Variants in PIK3CB observed in about 807,000 individuals in gnomAD.
The protein encoded by PIK3CB is phosphatidylinositol 4,5-bisphosphate 3-kinase catalytic subunit beta isoform.
In PIK3CB, 39 loss-of-function variants were observed where a neutral mutation model predicts 136.8. The observed-to-expected ratio is 0.29, with a 90% CI of 0.22 to 0.37. The LOEUF is 0.37. Ranked by LOEUF, PIK3CB falls within the 10% of genes least tolerant of loss-of-function variation. PIK3CB has a pLI of 1.00. For synonymous variants in PIK3CB, 428 were observed against 436.6 expected (o/e 0.98, Z 0.25); for missense variants, 868 against 1,275.4 (o/e 0.68, Z 4.87).
In PIK3CB at chr3:138,691,234, A is replaced by T. The variant is rs974754993; in HGVS notation, c.1893-91T>A. ...CAAACTATCAAATGTGAACTTGTTG[A>T]AACACAATGGTTCTTTTGGGCCAGG... On this transcript the variant is annotated intron_variant, in intron 14 of 23. Coordinates refer to ENST00000674063, the MANE Select transcript of PIK3CB (RefSeq NM_006219.3). The T allele has an allele frequency of 4.7e-5, 56 of 1,182,394 alleles. No homozygotes were observed. The Admixed American group carries it at 1.1e-3, about 23-fold the overall frequency. The allele number at this position is 1,182,394 out of a possible 1,614,324, so 73.2% of individuals were successfully genotyped here. A position where few individuals can be genotyped will look rare whatever the true frequency, so the allele number is the denominator to read the frequency against.
In PIK3CB at chr3:138,694,927, G is replaced by A. The variant is rs770243774; in HGVS notation, c.1771-20C>T. 1 of 1,587,112 alleles carries A rather than the reference G, an allele frequency of 6.3e-7. No homozygotes were observed. Among genetic ancestry groups the A allele is most frequent in the South Asian group, 1.2e-5 (1 of 86,166 alleles). ...CTGAAGCTGTTTAAAAAATGAAACT[G>A]GTTCAGAAATAATGGGGGACAAAAG... is the stretch of plus-strand genomic sequence containing the variant. On this transcript the variant is annotated intron_variant, in intron 13 of 23. Coordinates refer to ENST00000674063, the MANE Select transcript of PIK3CB (RefSeq NM_006219.3).
At chr3:138,734,840 A>C (rs1368137341) in intron 6 of PIK3CB, 36 bp from the exon 7 acceptor site, 1 of 1,435,572 alleles carries the variant, frequency 7.0e-7, no homozygotes, top group East Asian at 2.3e-5. Flanking sequence ...ATTGATTTTC[A>C]TGCCAACACC....
At chr3:138,803,953 CAATT>C (rs567153138) in intron 1 of PIK3CB, among the ~76,000 whole-genome samples, 2 of 152,118 alleles carry the variant, frequency 1.3e-5, no homozygotes, top group Admixed American at 6.6e-5. Context: ...ATAAAGCATT[CAATT>C]ATTGTTAGAT....
At chr3:138,716,315 C>G (rs1325907292) in intron 8 of PIK3CB, among the ~76,000 whole-genome samples, 1 of 152,174 alleles carries the variant, frequency 6.6e-6, no homozygotes, top group Non-Finnish European at 1.5e-5. Flanking sequence ...CTTTGCTCCT[C>G]TGCATTGGAA....
chr3:138,757,007 A>C (rs2045580366), intron 3 of PIK3CB, among the ~76,000 whole-genome samples: 1 of 152,194 alleles, frequency 6.6e-6, no homozygotes, highest in Non-Finnish European at 1.5e-5. Context: ...AAGTTTAAAA[A>C]TCAGTACAGG....
At chr3:138,700,692 A>AAGAT (rs56054471) in intron 12 of PIK3CB, among the ~76,000 whole-genome samples, 7,135 of 143,890 alleles carry the variant, frequency 0.05, 222 homozygotes, top group Non-Finnish European at 0.057. Flanking sequence ...TGACTCTAAA[A>AAGAT]AGATAGATAG....
chr3:138,659,979 C>T (rs2043264301), intron 21 of PIK3CB, among the ~76,000 whole-genome samples: 1 of 145,636 alleles, frequency 6.9e-6, no homozygotes, highest in South Asian at 2.2e-4. Context: ...AGGTTCACGC[C>T]ATTCTCCTTC....
At chr3:138,716,635 C>T (rs1171589236) in intron 8 of PIK3CB, among the ~76,000 whole-genome samples, 1 of 152,092 alleles carries the variant, frequency 6.6e-6, no homozygotes, top group Non-Finnish European at 1.5e-5. Flanking sequence ...GTGTCTCACG[C>T]CTGTAATCCC....
rs1371556150 is a variant in PIK3CB at position 138,653,903 on chromosome 3, C to A, written c.*1486G>T. On this transcript the variant is annotated 3_prime_UTR_variant, in exon 24 of 24. Transcript: ENST00000674063. ...ACAAGGGGAGAAGTCAGGGAAGAGG[C>A]CATAATAAGCCTTAGCCTATTCCTG... 1.0e-5 allele frequency: 2 copies of A among 198,128 alleles called. No individual in the cohort carries two copies. Among genetic ancestry groups the A allele is most frequent in the Admixed American group, 6.0e-5 (1 of 16,542 alleles). The allele number at this position is 198,128 out of a possible 1,614,324, so 12.3% of individuals were successfully genotyped here. A position where few individuals can be genotyped will look rare whatever the true frequency, so the allele number is the denominator to read the frequency against.
chr3:138,701,784 C>CAA (rs560982900), intron 12 of PIK3CB, among the ~76,000 whole-genome samples: 9 of 54,862 alleles, frequency 1.6e-4, no homozygotes, highest in Admixed American at 1.2e-3. Flanking sequence ...GACTCTGTCT[C>CAA]AAAAAAAAAA....
intron 8 of PIK3CB, 64 bp from the exon 9 acceptor site, chr3:138,714,783 TTTTG>T (rs767824054): frequency 1.2e-4 from 169 of 1,370,302 alleles, no homozygotes; most frequent in East Asian, 4.1e-4. Context: ...AAACATCTCT[TTTTG>T]TTTGTTTGTT....
intron 19 of PIK3CB, among the ~76,000 whole-genome samples, chr3:138,672,867 G>A (rs531961524): frequency 4.1e-5 from 6 of 146,674 alleles, no homozygotes; most frequent in Non-Finnish European, 7.4e-5. Context: ...AGCCAAGATC[G>A]TGCCACTGCA....
chr3:138,747,618 G>GT (rs11434112), intron 4 of PIK3CB, among the ~76,000 whole-genome samples: 74,479 of 151,974 alleles, frequency 0.49, 20,758 homozygotes, highest in East Asian at 0.98. Context: ...GTCTGTGTAT[G>GT]TAAGTTTTGA....
At chr3:138,684,414 G>GT (rs2043840685) in intron 17 of PIK3CB, among the ~76,000 whole-genome samples, 1 of 152,174 alleles carries the variant, frequency 6.6e-6, no homozygotes, top group South Asian at 2.1e-4. Flanking sequence ...AAATTCATTT[G>GT]TAATAACTTT....
rs2108722079 is a variant in PIK3CB at position 138,755,935 on chromosome 3, A to G, written c.216T>C (p.Leu72=). ...CAAACATATAGGAGTCAATATCCAT[A>G]AGGAGGTTGAACATTGGGTAATTGT... ...QVHNYPMFNL[L]MDIDSYMFAC... The change falls in exon 4 of 24, where the codon CTT becomes CTC. Residue 72 remains leucine (L), a synonymous_variant. Transcript: ENST00000674063. The G allele has an allele frequency of 6.2e-7, 1 of 1,611,488 alleles. No individual in the cohort carries two copies. Among genetic ancestry groups the G allele is most frequent in the South Asian group, 1.1e-5 (1 of 90,818 alleles).
intron 1 of PIK3CB, among the ~76,000 whole-genome samples, chr3:138,807,263 G>C (rs1444193605): frequency 6.6e-6 from 1 of 151,798 alleles, no homozygotes. Context: ...GTGAAACCCC[G>C]TCTCTACAAA....
intron 8 of PIK3CB, among the ~76,000 whole-genome samples, chr3:138,720,690 A>C (rs1352797983): frequency 1.3e-5 from 2 of 152,126 alleles, no homozygotes; most frequent in Non-Finnish European, 2.9e-5. Flanking sequence ...AACATGGCAA[A>C]AGCCCATCTC....
At chr3:138,822,442 G>A (rs1933598762) in intron 1 of PIK3CB, among the ~76,000 whole-genome samples, 1 of 152,104 alleles carries the variant, frequency 6.6e-6, no homozygotes, top group South Asian at 2.1e-4. Context: ...AGCTTCTCAG[G>A]AGGCTGAGGC....
chr3:138,791,937 T>TA (rs563742993), intron 2 of PIK3CB, among the ~76,000 whole-genome samples: 66 of 152,332 alleles, frequency 4.3e-4, no homozygotes, highest in African/African-American at 1.5e-3. Context: ...AAATAACACT[T>TA]ATCACCACCC....
Sources: gnomAD v4.1 joint callset for allele counts (sites outside exome capture counted in the v4.1 genomes callset) on GRCh38, gnomAD v4.1.1 for gene constraint, MANE v1.5 for transcripts, NCBI Gene and HGNC (gene_info 2026-07-23, HGNC 2026-07-21) for gene names.